SMAD3: variants seen among roughly 807,000 people sequenced by gnomAD.
SMAD3 encodes the protein SMAD family member 3.
In SMAD3, 12 loss-of-function variants were observed where a neutral mutation model predicts 51.8. The ratio of observed to expected loss-of-function variants is 0.23; its 90% CI spans 0.15 to 0.38. The LOEUF (loss-of-function observed/expected upper bound fraction) is 0.38, where lower values mean the gene tolerates loss of function less well. SMAD3 is among the 10% of genes least tolerant of loss of function. The pLI is 1.00. For synonymous variants in SMAD3, 238 were observed against 227.7 expected, an observed-to-expected ratio of 1.05 and a Z score of -0.41; for missense variants, 294 against 565.6, an observed-to-expected ratio of 0.52 and a Z score of 4.87.
At chr15:67,185,696 C>T (rs948446601) in intron 7 of SMAD3, among the ~76,000 whole-genome samples, 1 of 152,124 alleles carries the variant, frequency 6.6e-6, no homozygotes, top group Non-Finnish European at 1.5e-5. Context: ...TGGACAGGGC[C>T]ACGCCTGGAC....
intron 1 of SMAD3, chr15:67,137,983 A>G (rs1470982906): frequency 6.4e-6 from 9 of 1,412,486 alleles, no homozygotes; most frequent in Non-Finnish European, 8.8e-6. Flanking sequence ...CCTTATCATC[A>G]GAATCCCTCC....
At chr15:67,134,725 A>G (rs538594198) in intron 1 of SMAD3, among the ~76,000 whole-genome samples, 1 of 152,360 alleles carries the variant, frequency 6.6e-6, no homozygotes, top group Non-Finnish European at 1.5e-5. Context: ...GAAGTCCAGG[A>G]TCGAGAAGAA....
At chr15:67,104,532 G>A (rs192435951) in intron 1 of SMAD3, among the ~76,000 whole-genome samples, 174 of 152,290 alleles carry the variant, frequency 1.1e-3, no homozygotes, top group African/African-American at 4.0e-3. Context: ...GGCCTTTATC[G>A]TGGCCCCCAG....
intron 6 of SMAD3, among the ~76,000 whole-genome samples, chr15:67,182,999 AAATATATAT>A (rs1297603319): frequency 2.5e-3 from 127 of 50,224 alleles, no homozygotes; most frequent in Middle Eastern, 0.012. Context: ...AAAAAAAAAA[AAATATATAT>A]ATATATATAT....
At chr15:67,093,993 A>G (rs1255000820) in intron 1 of SMAD3, among the ~76,000 whole-genome samples, 1 of 152,220 alleles carries the variant, frequency 6.6e-6, no homozygotes, top group Non-Finnish European at 1.5e-5. Context: ...ACAGGCAAGG[A>G]ATCTGAACCC....
intron 1 of SMAD3, among the ~76,000 whole-genome samples, chr15:67,130,238 C>A (rs977523629): frequency 6.6e-6 from 1 of 152,210 alleles, no homozygotes. Flanking sequence ...CCCAAGGCCA[C>A]GTAGTCCCAG....
At chr15:67,102,530 A>G (rs561224054) in intron 1 of SMAD3, among the ~76,000 whole-genome samples, 7 of 152,114 alleles carry the variant, frequency 4.6e-5, no homozygotes, top group Admixed American at 2.0e-4. Flanking sequence ...ATCTGTCCTC[A>G]TCTGTGGGAA....
At chr15:67,189,521 G>A in intron 8 of SMAD3, among the ~76,000 whole-genome samples, 1 of 152,236 alleles carries the variant, frequency 6.6e-6, no homozygotes. Flanking sequence ...ACCGCTGCCT[G>A]GCAGCACTGC....
intron 8 of SMAD3, among the ~76,000 whole-genome samples, chr15:67,190,054 C>T (rs1963320356): frequency 6.6e-6 from 1 of 151,928 alleles, no homozygotes; most frequent in Non-Finnish European, 1.5e-5. Context: ...AGCCAGGAAG[C>T]CCTTTGCTCA....
Position 67,181,463 on chromosome 15 carries a change from G to A in SMAD3, c.871+10G>A. On this transcript the variant is annotated intron_variant, in intron 6 of 8. Coordinates refer to ENST00000327367, the MANE Select transcript of SMAD3 (RefSeq NM_005902.4). ...ACACGGAGACACATCGGTATGGGGT[G>A]GCTCCATTCCCCGCCCCCCCACCCT... 1.2e-6 allele frequency: 2 copies of A among 1,604,216 alleles called. No homozygotes were observed. Among genetic ancestry groups the A allele is most frequent in the Non-Finnish European group, 1.7e-6 (2 of 1,176,318 alleles).
chr15:67,071,679 G>A (rs1960056896), intron 1 of SMAD3, among the ~76,000 whole-genome samples: 1 of 152,144 alleles, frequency 6.6e-6, no homozygotes, highest in South Asian at 2.1e-4. Flanking sequence ...GAGCTTGGTG[G>A]CAGGCGCCTG....
chr15:67,124,467 T>G (rs1228334112), intron 1 of SMAD3, among the ~76,000 whole-genome samples: 1 of 152,060 alleles, frequency 6.6e-6, no homozygotes, highest in African/African-American at 2.4e-5. Flanking sequence ...AAAAATCTAT[T>G]ATCTTTAGAG....
intron 1 of SMAD3, among the ~76,000 whole-genome samples, chr15:67,141,196 A>G (rs924819517): frequency 2.0e-5 from 3 of 152,176 alleles, no homozygotes; most frequent in Admixed American, 2.0e-4. Flanking sequence ...GGAAGTGGAA[A>G]GGGAGCTTGA....
Position 67,164,943 on chromosome 15 carries a change from T to G in SMAD3, c.255T>G (p.His85Gln). The change falls in exon 2 of 9, where the codon CAT (histidine) becomes CAG (glutamine). Residue 85 changes from histidine (H) to glutamine (Q), a missense_variant. Physicochemically the swap from His to Gln is conservative, Grantham distance 24. Coordinates refer to ENST00000327367, the MANE Select transcript of SMAD3 (RefSeq NM_005902.4). ...LQVSHRKGLP[H>Q]VIYCRLWRWP... ...TGTCCCATCGGAAGGGGCTCCCTCA[T>G]GTCATCTACTGCCGCCTGTGGCGAT... is the stretch of plus-strand genomic sequence containing the variant. 6.2e-7 allele frequency: 1 copy of G among 1,613,726 alleles called. No homozygotes were observed. Among genetic ancestry groups the G allele is most frequent in the South Asian group, 1.1e-5 (1 of 91,068 alleles).
In SMAD3 at chr15:67,165,242, C is replaced by A. The variant is rs1962548669; in HGVS notation, c.401-11C>A. On this transcript the variant is annotated splice_polypyrimidine_tract_variant and intron_variant, in intron 2 of 8. Transcript: ENST00000327367. ...ACACTGAGCCACCTCTGCTCTGTCT[C>A]CCCCGGACAGTTCTACCTCCTGTGT... is the stretch of plus-strand genomic sequence containing the variant. 4.3e-6 allele frequency: 7 copies of A among 1,614,186 alleles called. No homozygotes were observed. The highest frequency in any genetic ancestry group is 5.9e-6 in the Non-Finnish European group (7 of 1,180,032).
chr15:67,099,159 C>A (rs1866319), intron 1 of SMAD3: 625,095 of 630,542 alleles, frequency 0.99, 310,011 homozygotes, highest in East Asian at 1. Context: ...CTCTTGTTCA[C>A]AGTCACAGGG....
intron 1 of SMAD3, among the ~76,000 whole-genome samples, chr15:67,088,411 C>T (rs187342815): frequency 6.6e-6 from 1 of 152,324 alleles, no homozygotes; most frequent in Admixed American, 6.5e-5. Context: ...GTGAGAGCAT[C>T]TGCCAGTGTG....
At position 67,165,071 on chromosome 15, in the gene SMAD3, A is replaced by G; in HGVS notation, c.383A>G (p.Gln128Arg). The G allele has an allele frequency of 6.2e-7, 1 of 1,614,192 alleles. No homozygotes were observed. The highest frequency in any genetic ancestry group is 8.5e-7 in the Non-Finnish European group (1 of 1,180,034). Residue 128 changes from glutamine (Q) to arginine (R), a missense_variant, in exon 2 of 9, where the codon CAG becomes CGG. Physicochemically the swap from Gln to Arg is conservative, Grantham distance 43. Transcript: ENST00000327367. ...GTCTGCGTGAATCCCTACCACTACC[A>G]GAGAGTAGAGACACCAGGTATGCTG... is the stretch of plus-strand genomic sequence containing the variant. ...DEVCVNPYHY[Q>R]RVETPVLPPV... is the part of the protein sequence containing the mutation.
rs572127344 is a variant in SMAD3, at chr15:67,151,586, C to T, written c.207-13309C>T. Among the ~76,000 whole-genome samples, 20 of 152,294 alleles carry T rather than the reference C, an allele frequency of 1.3e-4. No homozygotes were observed. The South Asian group carries it at 2.3e-3, about 17-fold the overall frequency. ...GACCTTGTAATCCACCCACCTCAGC[C>T]TCGCAAAGTGCTGGGATTACAAGCA... is the stretch of plus-strand genomic sequence containing the variant. On this transcript the variant is annotated intron_variant, in intron 1 of 8. Transcript: ENST00000327367.
Sources: allele counts gnomAD v4.1 joint callset (sites outside exome capture counted in the v4.1 genomes callset), GRCh38; gene constraint gnomAD v4.1.1; transcripts MANE v1.5; gene names NCBI Gene and HGNC (gene_info 2026-07-23, HGNC 2026-07-21).